EMILIN3: variants seen among roughly 807,000 people sequenced by gnomAD.
EMILIN3 encodes the protein EMILIN-3.
EMILIN3 carries 38 observed loss-of-function variants against 42.8 expected under a neutral mutation model. The observed-to-expected ratio is 0.89, with a 90% CI of 0.69 to 1.16. The LOEUF is 1.16. Ranked by LOEUF, EMILIN3 falls within the 50% of genes most tolerant of loss-of-function variation. EMILIN3 has a pLI of 0.00. For missense variants in EMILIN3, 924 were observed against 999.5 expected (o/e 0.92, Z 1.02); for synonymous variants, 430 against 440.5 (o/e 0.98, Z 0.30).
Position 41,360,723 on chromosome 20 carries a change from A to C in EMILIN3, c.*545T>G, listed in dbSNP as rs1250315288. 6.4e-6 allele frequency: 1 copy of C among 156,256 alleles called. No homozygotes were observed. Among genetic ancestry groups the C allele is most frequent in the Non-Finnish European group, 1.4e-5 (1 of 70,534 alleles). The allele number at this position is 156,256 out of a possible 1,614,324, so 9.7% of individuals were successfully genotyped here. On this transcript the variant is annotated 3_prime_UTR_variant, in exon 4 of 4. Coordinates refer to ENST00000332312, the MANE Select transcript of EMILIN3 (RefSeq NM_052846.2). ...CCAGTGGGCATCACCTTCCTGCACA[A>C]ACCTAGTCCTGATGGCTGCGAAGAG...
Position 41,362,092 on chromosome 20 carries a change from C to T in EMILIN3, c.1477G>A (p.Ala493Thr), listed in dbSNP as rs756572618. Residue 493 changes from alanine to threonine, a missense_variant, in exon 4 of 4, where the codon GCC becomes ACC. Coordinates refer to ENST00000332312, the MANE Select transcript of EMILIN3 (RefSeq NM_052846.2). The stretch of plus-strand genomic sequence containing the variant: ...GGCCGAGCTGACCTGCCCGGAGAGG[C>T]GCTGTCATGGCTTAGCTCCCCAGCC... ...TLAGELSHDS[A>T]SPGRSARPLV... 1.6e-5 allele frequency: 25 copies of T among 1,605,932 alleles called. No individual in the cohort carries two copies. Among genetic ancestry groups the T allele is most frequent in the Non-Finnish European group, 2.0e-5 (23 of 1,173,738 alleles).
intron 2 of EMILIN3, among the ~76,000 whole-genome samples, chr20:41,364,411 C>CAGGGA (rs1005642086): frequency 5.3e-5 from 8 of 152,192 alleles, no homozygotes; most frequent in African/African-American, 1.9e-4. Flanking sequence ...TGATTGTGAG[C>CAGGGA]AGGGAAGGGA....
chr20:41,366,479 C>T lies in EMILIN3; in HGVS notation c.156G>A (p.Pro52=), dbSNP rs996272805. The T allele has an allele frequency of 1.3e-5, 15 of 1,142,782 alleles. No homozygotes were observed. The African/African-American group carries it at 2.3e-4, about 18-fold the overall frequency. 70.8% of individuals were successfully genotyped at this position (1,142,782 alleles called of 1,614,324 possible). ...CCGCCCGCGCTTACTTGTGCGGCCC[C>T]GGGCGCAGCCGCGGGCGCCATCCCG... The part of the protein sequence containing the change: ...YTTGWRPRLR[P]GPHKALCAYV... Residue 52 remains proline (P), a synonymous_variant, in exon 1 of 4, where the codon CCG becomes CCA. Coordinates refer to ENST00000332312, the MANE Select transcript of EMILIN3 (RefSeq NM_052846.2). The surrounding 1 kb of genome is among the most constrained non-coding windows in gnomAD (Gnocchi z 4.2).
At position 41,366,402 on chromosome 20, in the gene EMILIN3, G is replaced by A. The variant is rs2046394065; in HGVS notation, c.167+66C>T. The A allele has an allele frequency of 7.5e-6, 8 of 1,071,990 alleles. No individual in the cohort carries two copies. Among genetic ancestry groups the A allele is most frequent in the Non-Finnish European group, 7.9e-6 (7 of 882,352 alleles). 66.4% of individuals were successfully genotyped at this position (1,071,990 alleles called of 1,614,324 possible). Reference sequence around the variant, plus strand: ...TCGACGCCCCCCGCGGGTGCGGGCAGGTGGGAGCGGCGACGCGCGCGGGCC... The same window carrying A: ...TCGACGCCCCCCGCGGGTGCGGGCAAGTGGGAGCGGCGACGCGCGCGGGCC... On this transcript the variant is annotated intron_variant, in intron 1 of 3. Transcript: ENST00000332312. This position sits in a 1 kb window ranked among gnomAD's most constrained non-coding sequence, Gnocchi z 4.2.
At chr20:41,365,657 T>G (rs1368854698) in intron 1 of EMILIN3, among the ~76,000 whole-genome samples, 1 of 152,180 alleles carries the variant, frequency 6.6e-6, no homozygotes, top group Non-Finnish European at 1.5e-5. Flanking sequence ...GAGCAGTTCT[T>G]GTACCACCTC....
At position 41,361,368 on chromosome 20, in the gene EMILIN3, G is replaced by A. The variant is rs767343971; in HGVS notation, c.2201C>T (p.Thr734Met). Residue 734 changes from threonine (T) to methionine (M), a missense_variant, in exon 4 of 4, where the codon ACG becomes ATG. Transcript: ENST00000332312. The stretch of plus-strand genomic sequence containing the variant: ...AATGTCCTGCGTGTGCTGGGCCAGC[G>A]TACGATTCAGCTGGTCCACATGGCT... Reference protein sequence around the residue: ...LWSHVDQLNRTLAQHTQDIAR... With the variant: ...LWSHVDQLNRMLAQHTQDIAR... 93 of 1,612,992 alleles carry A rather than the reference G, an allele frequency of 5.8e-5. 1 individual carries two copies. Among genetic ancestry groups the A allele is most frequent in the Admixed American group, 2.5e-4 (15 of 59,984 alleles).
chr20:41,361,250 G>T lies in EMILIN3; in HGVS notation c.*18C>A. The T allele has an allele frequency of 6.4e-7, 1 of 1,560,998 alleles. No homozygotes were observed. The highest frequency in any genetic ancestry group is 2.3e-5 in the East Asian group (1 of 43,974). ...CCCGAGTTGGTGGGATCTAGGGGTT[G>T]GGTCCTGGCCAGCCTGTCTAGTTGG... On this transcript the variant is annotated 3_prime_UTR_variant, in exon 4 of 4. Coordinates refer to ENST00000332312, the MANE Select transcript of EMILIN3 (RefSeq NM_052846.2).
rs150684676 is a variant in EMILIN3 at position 41,362,641 on chromosome 20, G to T, written c.928C>A (p.Arg310=). ...CCATCCAGCAGGCTCCCCCAGAGTC[G>T]GTGCAGCCGTCGGTCCACGTACTCC... The part of the protein sequence containing the change: ...LEEYVDRRLH[R]LWGSLLDGFE... The change falls in exon 4 of 4, where the codon CGA becomes AGA. Residue 310 remains arginine (R), a synonymous_variant. Coordinates refer to ENST00000332312, the MANE Select transcript of EMILIN3 (RefSeq NM_052846.2). 3.5e-4 allele frequency: 555 copies of T among 1,607,472 alleles called. No homozygotes were observed. The highest frequency in any genetic ancestry group is 4.5e-4 in the Non-Finnish European group (534 of 1,179,816).
rs2046396000 is a variant in EMILIN3, at chr20:41,366,639, G to A, written c.-5C>T. On this transcript the variant is annotated 5_prime_UTR_variant, in exon 1 of 4. Transcript: ENST00000332312. The surrounding 1 kb of genome is among the most constrained non-coding windows in gnomAD (Gnocchi z 4.2). ...GAGCAGGCGGCGGCGGCCCATAGCG[G>A]CCCCCGCGCCTCTGCCCGGCCCCGC... The A allele has an allele frequency of 4.8e-6, 5 of 1,036,460 alleles. No individual in the cohort carries two copies. In the African/African-American group the frequency reaches 6.9e-5, roughly 14 times the overall value. The allele number at this position is 1,036,460 out of a possible 1,614,324, so 64.2% of individuals were successfully genotyped here.
Position 41,366,807 on chromosome 20 carries a change from G to T in EMILIN3, c.-173C>A. ...CCGCCTGGCGCTTCGCGGCGGCTGC[G>T]TCCCGCGGAGTGGCCGGCGCTGCTA... On this transcript the variant is annotated 5_prime_UTR_variant, in exon 1 of 4. Transcript: ENST00000332312. The surrounding 1 kb of genome is among the most constrained non-coding windows in gnomAD (Gnocchi z 4.2). 4.0e-6 allele frequency: 1 copy of T among 251,046 alleles called. No homozygotes were observed. Among genetic ancestry groups the T allele is most frequent in the Non-Finnish European group, 6.3e-6 (1 of 158,824 alleles). 15.6% of individuals were successfully genotyped at this position (251,046 alleles called of 1,614,324 possible).
In EMILIN3 at chr20:41,366,321, G is replaced by A. The variant is rs2046393411; in HGVS notation, c.167+147C>T. 1.9e-6 allele frequency: 1 copy of A among 526,782 alleles called. No individual in the cohort carries two copies. The highest frequency in any genetic ancestry group is 2.5e-6 in the Non-Finnish European group (1 of 393,924). The allele number at this position is 526,782 out of a possible 1,614,324, so 32.6% of individuals were successfully genotyped here. On this transcript the variant is annotated intron_variant, in intron 1 of 3. Coordinates refer to ENST00000332312, the MANE Select transcript of EMILIN3 (RefSeq NM_052846.2). The surrounding 1 kb of genome is among the most constrained non-coding windows in gnomAD (Gnocchi z 4.2). ...GAGCGTAGGGCGCTCGCCTGGGCAGGGGCTCGGCCCCGGGCGCCGCCCCCT... is the reference window on the plus strand; with the variant it reads ...GAGCGTAGGGCGCTCGCCTGGGCAGAGGCTCGGCCCCGGGCGCCGCCCCCT...
Position 41,365,167 on chromosome 20 carries a change from A to G in EMILIN3, c.168-10T>C, listed in dbSNP as rs1385137159. 6.2e-7 allele frequency: 1 copy of G among 1,612,936 alleles called. No homozygotes were observed. Among genetic ancestry groups the G allele is most frequent in the Admixed American group, 1.7e-5 (1 of 59,926 alleles). ...ATAGGCACAGAGGGCCCTACAGGAGAAAATGGCACCCCTGGAATATCTGGC... is the reference window on the plus strand; with the variant it reads ...ATAGGCACAGAGGGCCCTACAGGAGGAAATGGCACCCCTGGAATATCTGGC... On this transcript the variant is annotated splice_polypyrimidine_tract_variant and intron_variant, in intron 1 of 3. Transcript: ENST00000332312.
In EMILIN3 at chr20:41,362,873, C is replaced by T. The variant is rs956634732; in HGVS notation, c.696G>A (p.Gly232=). ...TGGCTCTGTCTCCTGGGCCCACAAGCCCCTCAGGGATGACCCCAAAGCCCA... is the reference window on the plus strand; with the variant it reads ...TGGCTCTGTCTCCTGGGCCCACAAGTCCCTCAGGGATGACCCCAAAGCCCA... ...VPVGFGVIPE[G]LVGPGDRARG... is the part of the protein sequence containing the mutation. Residue 232 remains glycine, a synonymous_variant, in exon 4 of 4, where the codon GGG becomes GGA. Transcript: ENST00000332312. The T allele has an allele frequency of 6.2e-7, 1 of 1,613,914 alleles. No homozygotes were observed. The highest frequency in any genetic ancestry group is 8.5e-7 in the Non-Finnish European group (1 of 1,179,910).
rs1432655065 is a variant in EMILIN3, at chr20:41,362,126, T to C, written c.1443A>G (p.Leu481=). 6.2e-7 allele frequency: 1 copy of C among 1,606,778 alleles called. No homozygotes were observed. Among genetic ancestry groups the C allele is most frequent in the Non-Finnish European group, 8.5e-7 (1 of 1,174,814 alleles). ...GGCTTAGCTCCCCAGCCAATGTTGCTAGGCGCTCCTCGAGGCTCTGCACGC... is the reference window on the plus strand; with the variant it reads ...GGCTTAGCTCCCCAGCCAATGTTGCCAGGCGCTCCTCGAGGCTCTGCACGC... ...EERVQSLEER[L]ATLAGELSHD... is the part of the protein sequence containing the mutation. Residue 481 remains leucine (L), a synonymous_variant, in exon 4 of 4, where the codon CTA becomes CTG. Transcript: ENST00000332312.
At chr20:41,363,499 G>T in intron 3 of EMILIN3, 139 bp downstream of exon 3, 1 of 823,326 alleles carries the variant, frequency 1.2e-6, no homozygotes, top group Non-Finnish European at 1.9e-6. Flanking sequence ...GCTTTATGGT[G>T]GGGTGAAAGT....
chr20:41,363,845 T>C lies in EMILIN3; in HGVS notation c.307A>G (p.Arg103Gly), dbSNP rs2046380763. The C allele has an allele frequency of 6.2e-6, 10 of 1,613,972 alleles. No homozygotes were observed. Among genetic ancestry groups the C allele is most frequent in the Non-Finnish European group, 8.5e-6 (10 of 1,179,990 alleles). Residue 103 changes from arginine (R) to glycine (G), a missense_variant, in exon 3 of 4, where the codon AGA becomes GGA. Physicochemically the swap from Arg to Gly is moderately radical, Grantham distance 125. Transcript: ENST00000332312. ...TTGTAGCCAACCTTGTATTTGGGTC[T>C]GAGTACTGTGCGGTACCTGGGCCAG... ...PGTVTYRTVLRPKYKVGYKTV... is the reference protein window; with the variant it reads ...PGTVTYRTVLGPKYKVGYKTV...
At position 41,366,774 on chromosome 20, in the gene EMILIN3, T is replaced by G; in HGVS notation, c.-140A>C. The G allele has an allele frequency of 6.8e-6, 3 of 443,612 alleles. No homozygotes were observed. The highest frequency in any genetic ancestry group is 2.1e-5 in the African/African-American group (1 of 46,824). The allele number at this position is 443,612 out of a possible 1,614,324, so 27.5% of individuals were successfully genotyped here. On this transcript the variant is annotated 5_prime_UTR_variant, in exon 1 of 4. Coordinates refer to ENST00000332312, the MANE Select transcript of EMILIN3 (RefSeq NM_052846.2). The surrounding 1 kb of genome is among the most constrained non-coding windows in gnomAD (Gnocchi z 4.2). ...GGTCCCCTTCGGCCCCCGAGCTCGC[T>G]GGCCCGGCCGCCTGGCGCTTCGCGG... is the stretch of plus-strand genomic sequence containing the variant.
In EMILIN3 at chr20:41,366,213, T is replaced by A. The variant is rs1408080728; in HGVS notation, c.167+255A>T. The stretch of plus-strand genomic sequence containing the variant: ...GGAAAATGTTACTTCGCTGGAAAGG[T>A]TTCCGCTGGCACTGCCAGGATCCCA... On this transcript the variant is annotated intron_variant, in intron 1 of 3. Coordinates refer to ENST00000332312, the MANE Select transcript of EMILIN3 (RefSeq NM_052846.2). The surrounding 1 kb of genome is among the most constrained non-coding windows in gnomAD (Gnocchi z 4.2). Among the ~76,000 whole-genome samples, 2 of 152,058 alleles carry A rather than the reference T, an allele frequency of 1.3e-5. No individual in the cohort carries two copies. Among genetic ancestry groups the A allele is most frequent in the Non-Finnish European group, 2.9e-5 (2 of 67,974 alleles).
In EMILIN3 at chr20:41,361,599, TCC is replaced by T. The variant is rs1436608294; in HGVS notation, c.1968_1969del (p.Glu657AlafsTer33). The T allele has an allele frequency of 6.2e-7, 1 of 1,611,112 alleles. No homozygotes were observed. On this transcript the variant is annotated frameshift_variant, in exon 4 of 4. Coordinates refer to ENST00000332312, the MANE Select transcript of EMILIN3 (RefSeq NM_052846.2). LOFTEE classifies it high-confidence loss of function. ...CACACCAGCCTTGAGTTGCTCCAGCTCCCCACGCAGGTTCAGGACCTGCCTGT... is the reference window on the plus strand; with the variant it reads ...CACACCAGCCTTGAGTTGCTCCAGCTCCACGCAGGTTCAGGACCTGCCTGT...
Sources: allele counts gnomAD v4.1 joint callset (sites outside exome capture counted in the v4.1 genomes callset), GRCh38; gene constraint gnomAD v4.1.1; non-coding constraint Gnocchi (gnomAD v3.1); transcripts MANE v1.5; gene names NCBI Gene and HGNC (gene_info 2026-07-23, HGNC 2026-07-21).